The following THSD7A variants were observed in gnomAD, a reference collection of about 807,000 sequenced individuals.
The protein encoded by THSD7A is thrombospondin type-1 domain-containing protein 7A.
THSD7A carries 96 observed loss-of-function variants against 231.3 expected under a neutral mutation model. That is an observed-to-expected ratio of 0.41 (90% CI 0.35 to 0.49). The LOEUF (loss-of-function observed/expected upper bound fraction) is 0.49. THSD7A is among the 20% of genes least tolerant of loss of function. THSD7A has a pLI of 0.05. For synonymous variants in THSD7A, 940 were observed against 743.3 expected (o/e 1.26, Z -4.30); for missense variants, 2,290 against 2,070.2 (o/e 1.11, Z -2.06).
In THSD7A at chr7:11,573,174, A is replaced by T. The variant is rs900255524; in HGVS notation, c.1453+17286T>A. Among the ~76,000 whole-genome samples the T allele has an allele frequency of 3.9e-5, 6 of 152,250 alleles. 2 individuals carry two copies. Among genetic ancestry groups the T allele is most frequent in the Admixed American group, 6.5e-5 (1 of 15,298 alleles). On this transcript the variant is annotated intron_variant, in intron 4 of 27. Transcript: ENST00000423059. Reference sequence around the variant, plus strand: ...TCTCACAGGGCTGGAGCTCAGCATCACTCAGCACTGTGCTACCTATACTAT... The same window carrying T: ...TCTCACAGGGCTGGAGCTCAGCATCTCTCAGCACTGTGCTACCTATACTAT...
At chr7:11,783,754 T>C (rs1783703182) in intron 1 of THSD7A, among the ~76,000 whole-genome samples, 1 of 152,106 alleles carries the variant, frequency 6.6e-6, no homozygotes. Context: ...ATAGAAACAA[T>C]ACTCCCTAAA....
intron 1 of THSD7A, among the ~76,000 whole-genome samples, chr7:11,725,623 A>G (rs1157695426): frequency 6.6e-6 from 1 of 152,042 alleles, no homozygotes; most frequent in Admixed American, 6.6e-5. Context: ...TTTTTAAAAT[A>G]AACTGTCATG....
intron 1 of THSD7A, among the ~76,000 whole-genome samples, chr7:11,812,147 CAG>C (rs902526907): frequency 1.5e-5 from 2 of 131,580 alleles, no homozygotes; most frequent in Non-Finnish European, 3.3e-5. Flanking sequence ...GTGTGGGAGA[CAG>C]AGAGAGAGAT....
intron 26 of THSD7A, chr7:11,378,248 T>A (rs573664096): frequency 1.3e-5 from 2 of 152,282 alleles, no homozygotes; most frequent in East Asian, 3.9e-4. Flanking sequence ...GCCTGGAGAT[T>A]ACTTCATAGA....
At chr7:11,492,311 C>T (rs984811816) in intron 6 of THSD7A, among the ~76,000 whole-genome samples, 2 of 151,956 alleles carry the variant, frequency 1.3e-5, no homozygotes, top group East Asian at 3.9e-4. Flanking sequence ...TCTTTCTGTA[C>T]TCCTACTGCT....
chr7:11,803,692 C>A (rs758163277), intron 1 of THSD7A, among the ~76,000 whole-genome samples: 1 of 152,078 alleles, frequency 6.6e-6, no homozygotes, highest in African/African-American at 2.4e-5. Flanking sequence ...ATGGTAACAG[C>A]GGAATCTTTA....
intron 23 of THSD7A, chr7:11,385,518 T>C (rs1481635514): frequency 1.3e-5 from 2 of 152,152 alleles, no homozygotes; most frequent in East Asian, 3.8e-4. Context: ...AAATACCTTT[T>C]AATGTGTATA....
chr7:11,615,373 G>A (rs1781071549), intron 2 of THSD7A, among the ~76,000 whole-genome samples: 1 of 152,160 alleles, frequency 6.6e-6, no homozygotes, highest in Non-Finnish European at 1.5e-5. Context: ...TCTCCTCGTG[G>A]AGCTGGGCAA....
At chr7:11,677,853 C>A (rs943879584) in intron 1 of THSD7A, among the ~76,000 whole-genome samples, 1 of 152,018 alleles carries the variant, frequency 6.6e-6, no homozygotes, top group Non-Finnish European at 1.5e-5. Context: ...ACCTAATAGA[C>A]GTCTACAAAA....
chr7:11,568,900 A>C (rs7789441), intron 4 of THSD7A, among the ~76,000 whole-genome samples: 46,920 of 150,948 alleles, frequency 0.31, 7,457 homozygotes, highest in Middle Eastern at 0.44. Context: ...TACAAAATTA[A>C]TATACAAAAA....
chr7:11,397,081 C>A (rs570590918), intron 23 of THSD7A, among the ~76,000 whole-genome samples: 197 of 152,232 alleles, frequency 1.3e-3, no homozygotes, highest in African/African-American at 4.4e-3. Flanking sequence ...AAATTCAACA[C>A]CCCTTCATGC....
intron 1 of THSD7A, among the ~76,000 whole-genome samples, chr7:11,642,847 T>C (rs1011363617): frequency 3.9e-5 from 6 of 152,118 alleles, no homozygotes; most frequent in Admixed American, 1.3e-4. Flanking sequence ...CCTCTTGATA[T>C]CGTTCAAAAC....
At chr7:11,480,748 A>T (rs1194451859) in intron 7 of THSD7A, among the ~76,000 whole-genome samples, 2 of 152,160 alleles carry the variant, frequency 1.3e-5, no homozygotes, top group African/African-American at 2.4e-5. Flanking sequence ...GTTGTTACAC[A>T]CACAGATAGC....
intron 4 of THSD7A, among the ~76,000 whole-genome samples, chr7:11,577,280 A>G (rs1435291814): frequency 6.8e-6 from 1 of 146,500 alleles, no homozygotes; most frequent in East Asian, 2.1e-4. Context: ...AGCTGAGCAC[A>G]TATAAAACAA....
intron 1 of THSD7A, among the ~76,000 whole-genome samples, chr7:11,717,216 C>T (rs570335082): frequency 2.6e-5 from 4 of 151,798 alleles, no homozygotes; most frequent in African/African-American, 7.2e-5. Context: ...GTGATAGTCT[C>T]AGGCAGAGGT....
intron 1 of THSD7A, among the ~76,000 whole-genome samples, chr7:11,671,143 G>C (rs146739131): frequency 1.3e-5 from 2 of 152,296 alleles, no homozygotes; most frequent in African/African-American, 4.8e-5. Context: ...AGGGTAAACA[G>C]TGGAAATGGA....
intron 6 of THSD7A, among the ~76,000 whole-genome samples, chr7:11,538,915 T>C (rs912126485): frequency 6.6e-6 from 1 of 152,128 alleles, no homozygotes; most frequent in Non-Finnish European, 1.5e-5. Context: ...AGAAAACAAA[T>C]AGATTTTAAG....
In THSD7A at chr7:11,406,998, C is replaced by T; in HGVS notation, c.3974G>A (p.Cys1325Tyr). The T allele has an allele frequency of 1.2e-6, 2 of 1,613,848 alleles. No homozygotes were observed. The highest frequency in any genetic ancestry group is 2.7e-5 in the African/African-American group (2 of 75,016). Residue 1325 changes from cysteine (C) to tyrosine (Y), a missense_variant, in exon 21 of 28, where the codon TGC (cysteine) becomes TAC (tyrosine). Physicochemically the swap from Cys to Tyr is radical, Grantham distance 194. Transcript: ENST00000423059. The surrounding 1 kb of genome is among the most constrained non-coding windows in gnomAD (Gnocchi z 4.7). ...TQPFQGDGRP[C>Y]PSLMDQSKPC... is the part of the protein sequence containing the mutation. ...TTTGGACTGGTCCATCAGGGAAGGG[C>T]ATGGTCTTCCATCACCTTGAAAGGG...
chr7:11,461,022 A>G (rs1785487666), intron 10 of THSD7A, among the ~76,000 whole-genome samples: 1 of 152,194 alleles, frequency 6.6e-6, no homozygotes, highest in Admixed American at 6.5e-5. Context: ...GAACATTTAG[A>G]CTTTTTAATG....
Sources: allele counts gnomAD v4.1 joint callset (sites outside exome capture counted in the v4.1 genomes callset), GRCh38; gene constraint gnomAD v4.1.1; non-coding constraint Gnocchi (gnomAD v3.1); transcripts MANE v1.5; gene names NCBI Gene and HGNC (gene_info 2026-07-23, HGNC 2026-07-21).